CCDC57: variants seen among roughly 807,000 people sequenced by gnomAD.
CCDC57 encodes coiled-coil domain-containing protein 57.
In CCDC57, 118 loss-of-function variants were observed where a neutral mutation model predicts 118.9. The ratio of observed to expected loss-of-function variants is 0.99; its 90% confidence interval spans 0.86 to 1.16. The LOEUF is 1.16. Ranked by LOEUF, CCDC57 falls within the 50% of genes most tolerant of loss-of-function variation. The pLI is 0.00. For synonymous variants in CCDC57, 527 were observed against 532.9 expected, an observed-to-expected ratio of 0.99 and a Z score of 0.15; for missense variants, 1,300 against 1,320.7, an observed-to-expected ratio of 0.98 and a Z score of 0.24.
intron 11 of CCDC57, chr17:82,175,589 C>T (rs1599160156): frequency 1.3e-5 from 2 of 152,226 alleles, no homozygotes; most frequent in African/African-American, 4.8e-5. Flanking sequence ...GCCTCCTCCC[C>T]ACTTGGAGTT....
Position 82,180,984 on chromosome 17 carries a change from C to T in CCDC57, c.1212-1795G>A, listed in dbSNP as rs74844349. Among the ~76,000 whole-genome samples the T allele has an allele frequency of 7.2e-3, 1,093 of 152,292 alleles. 11 individuals are homozygous for T. Among genetic ancestry groups the T allele is most frequent in the African/African-American group, 0.026 (1,068 of 41,552 alleles). On this transcript the variant is annotated intron_variant, in intron 9 of 19. Transcript: ENST00000665763. ...AAGGTCCTCGCGAGATGGGCCCACT[C>T]GCCGCCCGGCTTCTCTCCACAGGCC...
chr17:82,107,737 T>G, intron 19 of CCDC57: 1 of 392,020 alleles, frequency 2.6e-6, no homozygotes. Context: ...GAAGACACAT[T>G]AGCCCTTGGG....
chr17:82,131,909 A>G (rs7221451), intron 17 of CCDC57, among the ~76,000 whole-genome samples: 68,648 of 151,792 alleles, frequency 0.45, 16,426 homozygotes, highest in East Asian at 0.88. Flanking sequence ...TGAGTTCAGG[A>G]ATCCAAGGCC....
chr17:82,209,346 CAT>C (rs1175797075), intron 1 of CCDC57, among the ~76,000 whole-genome samples: 1 of 152,166 alleles, frequency 6.6e-6, no homozygotes, highest in Non-Finnish European at 1.5e-5. Flanking sequence ...ACCACGTATA[CAT>C]GTTTCATGTG....
downstream of CCDC57, chr17:82,101,504 G>A (rs545517541): frequency 1.7e-6 from 1 of 582,682 alleles, no homozygotes; most frequent in East Asian, 3.0e-5. Flanking sequence ...TGGGCCCTGT[G>A]CTCAGGGAGG....
intron 16 of CCDC57, among the ~76,000 whole-genome samples, chr17:82,143,059 G>T (rs543210028): frequency 6.6e-6 from 1 of 152,152 alleles, no homozygotes; most frequent in African/African-American, 2.4e-5. Flanking sequence ...AGCTACTCAA[G>T]GCCGAGGCAG....
intron 19 of CCDC57, chr17:82,127,456 C>T (rs1480506238): frequency 2.8e-5 from 28 of 985,076 alleles, no homozygotes; most frequent in Admixed American, 1.2e-4. Context: ...CCCGGGTGTA[C>T]GGTGCTGCAC....
intron 16 of CCDC57, among the ~76,000 whole-genome samples, chr17:82,149,017 G>C: frequency 3.7e-5 from 3 of 80,926 alleles, no homozygotes; most frequent in Admixed American, 2.9e-4. Flanking sequence ...GTGGTGGATG[G>C]ATGGTAGATG....
chr17:82,174,920 T>C (rs2045274812), intron 11 of CCDC57, among the ~76,000 whole-genome samples: 1 of 152,162 alleles, frequency 6.6e-6, no homozygotes, highest in African/African-American at 2.4e-5. Flanking sequence ...GCGTTAGCCG[T>C]CTCTTTGGCT....
At chr17:82,114,650 GCT>G (rs926663708) in intron 19 of CCDC57, among the ~76,000 whole-genome samples, 1 of 152,074 alleles carries the variant, frequency 6.6e-6, no homozygotes, top group Non-Finnish European at 1.5e-5. Flanking sequence ...ACGATCCCGT[GCT>G]CTGTCTTCTC....
intron 11 of CCDC57, among the ~76,000 whole-genome samples, chr17:82,178,150 G>A (rs756954935): frequency 6.6e-6 from 1 of 152,286 alleles, no homozygotes. Flanking sequence ...AATCAGGAGC[G>A]GTGATGACAG....
At chr17:82,113,858 A>T (rs2035495896) in intron 19 of CCDC57, 4 of 582,364 alleles carry the variant, frequency 6.9e-6, no homozygotes, top group Middle Eastern at 4.6e-4. Context: ...AGGCAGGAGG[A>T]TCACTTGAGC....
At chr17:82,136,656 G>A (rs1366682395) in intron 16 of CCDC57, among the ~76,000 whole-genome samples, 1 of 151,456 alleles carries the variant, frequency 6.6e-6, no homozygotes, top group Non-Finnish European at 1.5e-5. Flanking sequence ...GGAGTGCAGT[G>A]GTGCAATCGC....
chr17:82,121,454 G>C (rs995130260), intron 19 of CCDC57, among the ~76,000 whole-genome samples: 6 of 152,214 alleles, frequency 3.9e-5, no homozygotes, highest in African/African-American at 1.4e-4. Flanking sequence ...CAGGCGCCTG[G>C]AGCCGGGTCA....
At chr17:82,164,295 C>T (rs765433179) in intron 13 of CCDC57, among the ~76,000 whole-genome samples, 41 of 152,052 alleles carry the variant, frequency 2.7e-4, no homozygotes, top group Non-Finnish European at 4.7e-4. Context: ...GCACGAGAAT[C>T]GATTGAACTC....
chr17:82,154,004 A>T (rs1243924672), intron 15 of CCDC57: 1 of 152,504 alleles, frequency 6.6e-6, no homozygotes, highest in East Asian at 1.9e-4. Context: ...CCACACAGCC[A>T]CTCCAACGCC....
chr17:82,172,565 A>C lies in CCDC57; in HGVS notation c.1729+73T>G. 2 of 1,303,786 alleles carry C rather than the reference A, an allele frequency of 1.5e-6. No individual in the cohort carries two copies. The highest frequency in any genetic ancestry group is 2.2e-6 in the Non-Finnish European group (2 of 925,478). The allele number at this position is 1,303,786 out of a possible 1,614,324, so 80.8% of individuals were successfully genotyped here. A position where few individuals can be genotyped will look rare whatever the true frequency, so the allele number is the denominator to read the frequency against. On this transcript the variant is annotated intron_variant, in intron 12 of 19. Transcript: ENST00000665763. The surrounding 1 kb of genome is among the most constrained non-coding windows in gnomAD (Gnocchi z 5.2). ...GCCTCCTTGAAGCCAGTCAAGACCC[A>C]TGCTCCCGTCTGTCCTCCTCCCTCC...
intron 16 of CCDC57, among the ~76,000 whole-genome samples, chr17:82,145,237 CAGGCTGGTCT>C (rs1355359040): frequency 2.7e-5 from 4 of 146,576 alleles, no homozygotes; most frequent in African/African-American, 1.0e-4. Flanking sequence ...TCATGTTGGC[CAGGCTGGTCT>C]CAAACTCTTG....
chr17:82,114,453 A>C (rs2035589863), intron 19 of CCDC57, among the ~76,000 whole-genome samples: 1 of 152,186 alleles, frequency 6.6e-6, no homozygotes, highest in Admixed American at 6.5e-5. Context: ...ATCACACTGA[A>C]ATGCCACTCT....
Sources: gnomAD v4.1 joint callset for allele counts (sites outside exome capture counted in the v4.1 genomes callset) on GRCh38, gnomAD v4.1.1 for gene constraint, Gnocchi (gnomAD v3.1) non-coding constraint, MANE v1.5 for transcripts, NCBI Gene and HGNC (gene_info 2026-07-23, HGNC 2026-07-21) for gene names.